XKR9: variants seen among roughly 807,000 people sequenced by gnomAD.
The protein encoded by XKR9 is XK related 9.
A neutral mutation model predicts 32.0 loss-of-function variants in XKR9; 32 were observed. The observed-to-expected ratio is 1.00, with a 90% CI of 0.76 to 1.34. XKR9 has a LOEUF of 1.34. Among genes scored for constraint, XKR9 ranks in the 40% most tolerant of loss-of-function variants. The pLI is 0.00. For synonymous variants in XKR9, 168 were observed against 143.4 expected (o/e 1.17, Z -1.22); for missense variants, 546 against 429.7 (o/e 1.27, Z -2.39).
intron 4 of XKR9, among the ~76,000 whole-genome samples, chr8:70,720,114 G>T (rs1173367697): frequency 6.6e-6 from 1 of 152,118 alleles, no homozygotes; most frequent in Non-Finnish European, 1.5e-5. Flanking sequence ...TATTATTGGT[G>T]TGTAGGAATG....
chr8:71,033,009 G>A, the XKR9 span, among the ~76,000 whole-genome samples: 6 of 152,094 alleles, frequency 3.9e-5, no homozygotes, highest in East Asian at 7.7e-4. Context: ...GCTTGAACCC[G>A]GGAGGTGGAG....
chr8:71,053,413 A>C, the XKR9 span, among the ~76,000 whole-genome samples: 2 of 152,244 alleles, frequency 1.3e-5, no homozygotes, highest in African/African-American at 4.8e-5. Context: ...ATCAAGTGCA[A>C]AGTGAAACAG....
the XKR9 span, among the ~76,000 whole-genome samples, chr8:70,959,010 T>C: frequency 6.6e-6 from 1 of 152,170 alleles, no homozygotes; most frequent in East Asian, 1.9e-4. Context: ...AATTACATTT[T>C]ACTTTCTTTT....
At chr8:70,717,110 C>T (rs1008707765) in intron 4 of XKR9, among the ~76,000 whole-genome samples, 1 of 152,182 alleles carries the variant, frequency 6.6e-6, no homozygotes, top group African/African-American at 2.4e-5. Flanking sequence ...CAGCTCTGCC[C>T]CTGTGGCTTT....
At chr8:70,884,561 A>T in the XKR9 span, among the ~76,000 whole-genome samples, 2 of 152,122 alleles carry the variant, frequency 1.3e-5, no homozygotes, top group Non-Finnish European at 2.9e-5. Flanking sequence ...GAAATATGTA[A>T]AGTCTGTGTC....
the XKR9 span, among the ~76,000 whole-genome samples, chr8:70,804,606 C>A: frequency 6.6e-6 from 1 of 152,094 alleles, no homozygotes; most frequent in Non-Finnish European, 1.5e-5. Flanking sequence ...GGTAAGTGTG[C>A]TTTTCATGGA....
At chr8:70,951,331 A>C in the XKR9 span, among the ~76,000 whole-genome samples, 2 of 152,204 alleles carry the variant, frequency 1.3e-5, no homozygotes, top group African/African-American at 2.4e-5. Context: ...TTAATTTCAG[A>C]GTTAGGAGGT....
the XKR9 span, among the ~76,000 whole-genome samples, chr8:70,906,551 C>A: frequency 6.6e-6 from 1 of 152,160 alleles, no homozygotes; most frequent in Non-Finnish European, 1.5e-5. Flanking sequence ...TGCCGACTTG[C>A]AGGGATTTTA....
At chr8:71,032,295 A>T in the XKR9 span, among the ~76,000 whole-genome samples, 20 of 151,536 alleles carry the variant, frequency 1.3e-4, no homozygotes, top group East Asian at 5.8e-4. Flanking sequence ...AAAAAAAAAA[A>T]AAAAAAAAAA....
the XKR9 span, among the ~76,000 whole-genome samples, chr8:70,828,052 G>A: frequency 6.6e-6 from 1 of 152,160 alleles, no homozygotes; most frequent in African/African-American, 2.4e-5. Context: ...CATAAAATAT[G>A]AGTGTGGACA....
chr8:70,985,193 A>C, the XKR9 span, among the ~76,000 whole-genome samples: 1 of 152,158 alleles, frequency 6.6e-6, no homozygotes, highest in Non-Finnish European at 1.5e-5. Context: ...TTGGCATGTG[A>C]TGTTCCCCTC....
the XKR9 span, among the ~76,000 whole-genome samples, chr8:70,970,319 A>AT: frequency 2.0e-5 from 3 of 151,744 alleles, no homozygotes; most frequent in African/African-American, 7.3e-5. Flanking sequence ...TTATTGTAGG[A>AT]TTTTTTATTA....
the XKR9 span, among the ~76,000 whole-genome samples, chr8:71,056,564 T>C: frequency 6.6e-6 from 1 of 152,190 alleles, no homozygotes; most frequent in African/African-American, 2.4e-5. Context: ...TGTGTGAACT[T>C]GAGGCATATA....
the XKR9 span, among the ~76,000 whole-genome samples, chr8:70,986,132 C>T: frequency 3.9e-5 from 6 of 151,904 alleles, no homozygotes; most frequent in African/African-American, 1.2e-4. Context: ...ATTAATAGGG[C>T]GACAATATGA....
At chr8:70,819,689 T>A in the XKR9 span, among the ~76,000 whole-genome samples, 1 of 152,218 alleles carries the variant, frequency 6.6e-6, no homozygotes, top group Non-Finnish European at 1.5e-5. Flanking sequence ...GTACTTTGTA[T>A]CCTGGAAAGC....
At chr8:70,674,094 A>G (rs1372380411) in intron 1 of XKR9, among the ~76,000 whole-genome samples, 2 of 152,044 alleles carry the variant, frequency 1.3e-5, no homozygotes, top group East Asian at 3.9e-4. Flanking sequence ...GCTTGAGCCC[A>G]GGAGTTCGAG....
chr8:71,023,823 C>A, the XKR9 span, among the ~76,000 whole-genome samples: 7 of 152,124 alleles, frequency 4.6e-5, no homozygotes, highest in Non-Finnish European at 1.0e-4. Context: ...GTGGTGGTGG[C>A]AGATTGGATG....
At chr8:70,850,961 G>A in the XKR9 span, among the ~76,000 whole-genome samples, 2 of 152,142 alleles carry the variant, frequency 1.3e-5, no homozygotes, top group Non-Finnish European at 2.9e-5. Context: ...GAAATAAAGG[G>A]TATTCAAATA....
chr8:70,802,426 C>T, the XKR9 span, among the ~76,000 whole-genome samples: 1 of 152,304 alleles, frequency 6.6e-6, no homozygotes, highest in East Asian at 1.9e-4. Context: ...CTTGTTTCTT[C>T]ATTCAACTTG....
Sources: gnomAD v4.1 joint callset for allele counts (sites outside exome capture counted in the v4.1 genomes callset) on GRCh38, gnomAD v4.1.1 for gene constraint, MANE v1.5 for transcripts, NCBI Gene and HGNC (gene_info 2026-07-23, HGNC 2026-07-21) for gene names.